Variants in CYP19A1 observed in about 807,000 individuals in gnomAD.
CYP19A1 encodes cytochrome P450 family 19 subfamily A member 1.
In CYP19A1, 32 loss-of-function variants were observed where a neutral mutation model predicts 44.4. The observed-to-expected ratio is 0.72, with a 90% CI of 0.54 to 0.97. The LOEUF is 0.97. Ranked by LOEUF, CYP19A1 falls within the 50% of genes least tolerant of loss-of-function variation. The pLI, the probability that CYP19A1 is intolerant of heterozygous loss-of-function variation, is 0.00. For synonymous variants in CYP19A1, 212 were observed against 215.6 expected, an observed-to-expected ratio of 0.98 and a Z score of 0.14; for missense variants, 598 against 637.8, an observed-to-expected ratio of 0.94 and a Z score of 0.67.
At chr15:51,299,270 C>A (rs574966476) in intron 1 of CYP19A1, among the ~76,000 whole-genome samples, 2 of 152,206 alleles carry the variant, frequency 1.3e-5, no homozygotes, top group African/African-American at 4.8e-5. Context: ...AAGACAAAGG[C>A]GATTCATTCA....
chr15:51,330,456 T>C (rs1471970052), intron 1 of CYP19A1, among the ~76,000 whole-genome samples: 3 of 152,194 alleles, frequency 2.0e-5, no homozygotes, highest in Non-Finnish European at 4.4e-5. Flanking sequence ...AATCTTGCTA[T>C]CATTAATAAA....
chr15:51,272,878 C>T (rs764104231), intron 1 of CYP19A1, among the ~76,000 whole-genome samples: 3 of 152,106 alleles, frequency 2.0e-5, no homozygotes, highest in Non-Finnish European at 2.9e-5. Context: ...TACACTGATT[C>T]GTCTTTTTCA....
At chr15:51,302,118 A>G (rs2036126246) in intron 1 of CYP19A1, among the ~76,000 whole-genome samples, 1 of 152,166 alleles carries the variant, frequency 6.6e-6, no homozygotes, top group African/African-American at 2.4e-5. Context: ...CTTGCCATCT[A>G]AAGTCACATT....
chr15:51,226,175 G>A (rs1368510614), intron 4 of CYP19A1, among the ~76,000 whole-genome samples: 1 of 151,752 alleles, frequency 6.6e-6, no homozygotes, highest in Admixed American at 6.6e-5. Flanking sequence ...ACAGAAGGTG[G>A]GTCAGAGAGA....
intron 1 of CYP19A1, among the ~76,000 whole-genome samples, chr15:51,313,525 A>G (rs1179266788): frequency 6.6e-6 from 1 of 152,212 alleles, no homozygotes; most frequent in Non-Finnish European, 1.5e-5. Context: ...GGCCAGGCAC[A>G]GTGGCTCATG....
At chr15:51,282,953 A>G (rs2035576429) in intron 1 of CYP19A1, among the ~76,000 whole-genome samples, 1 of 152,208 alleles carries the variant, frequency 6.6e-6, no homozygotes, top group African/African-American at 2.4e-5. Flanking sequence ...AGTACGGTAA[A>G]GGAGTTTTGC....
At chr15:51,315,874 G>A (rs1251045543) in intron 1 of CYP19A1, 1 of 152,256 alleles carries the variant, frequency 6.6e-6, no homozygotes, top group African/African-American at 2.4e-5. Context: ...GCAAGAATGT[G>A]GCTGACAACA....
At chr15:51,259,713 TGATA>T (rs1291748998) in intron 1 of CYP19A1, among the ~76,000 whole-genome samples, 1 of 152,200 alleles carries the variant, frequency 6.6e-6, no homozygotes, top group Non-Finnish European at 1.5e-5. Context: ...TGCACCAGAC[TGATA>T]TTCTTCAGAG....
intron 1 of CYP19A1, among the ~76,000 whole-genome samples, chr15:51,282,402 A>G (rs143901510): frequency 6.6e-6 from 1 of 152,292 alleles, no homozygotes; most frequent in East Asian, 1.9e-4. Context: ...CATGCTCCCT[A>G]TTATCTCAAG....
At chr15:51,319,308 C>T (rs927487501) in intron 1 of CYP19A1, among the ~76,000 whole-genome samples, 5 of 152,204 alleles carry the variant, frequency 3.3e-5, no homozygotes, top group Non-Finnish European at 4.4e-5. Flanking sequence ...TTTCCCTATA[C>T]GCACTGTAAT....
intron 1 of CYP19A1, among the ~76,000 whole-genome samples, chr15:51,246,437 G>C (rs1287132751): frequency 6.6e-6 from 1 of 152,184 alleles, no homozygotes; most frequent in African/African-American, 2.4e-5. Flanking sequence ...CACCAAGCAG[G>C]GACTCTGGCC....
At chr15:51,255,073 GGTGA>G (rs2034464416) in intron 1 of CYP19A1, among the ~76,000 whole-genome samples, 1 of 152,136 alleles carries the variant, frequency 6.6e-6, no homozygotes, top group Non-Finnish European at 1.5e-5. Flanking sequence ...GAGTCTTAAG[GGTGA>G]GTGAGTGTTT....
intron 4 of CYP19A1, among the ~76,000 whole-genome samples, chr15:51,224,454 C>A (rs1005389304): frequency 3.9e-5 from 6 of 152,174 alleles, no homozygotes; most frequent in Non-Finnish European, 8.8e-5. Context: ...AGTTATGTAG[C>A]ACTTTTTGTA....
intron 1 of CYP19A1, among the ~76,000 whole-genome samples, chr15:51,276,607 C>T (rs1205779815): frequency 1.3e-5 from 2 of 152,210 alleles, no homozygotes; most frequent in Non-Finnish European, 2.9e-5. Flanking sequence ...AATTACCACA[C>T]TGCAAGTACA....
At chr15:51,271,011 C>T (rs1447964839) in intron 1 of CYP19A1, among the ~76,000 whole-genome samples, 1 of 151,860 alleles carries the variant, frequency 6.6e-6, no homozygotes, top group Non-Finnish European at 1.5e-5. Context: ...CTCCCTCTCA[C>T]CCTGTCTGAT....
At chr15:51,267,426 A>C (rs1232498888) in intron 1 of CYP19A1, among the ~76,000 whole-genome samples, 2 of 152,132 alleles carry the variant, frequency 1.3e-5, no homozygotes, top group African/African-American at 2.4e-5. Context: ...TTTGCTAGTT[A>C]AGTTGCGCTG....
intron 1 of CYP19A1, chr15:51,318,699 G>C (rs751313761): frequency 1.3e-5 from 2 of 152,228 alleles, no homozygotes; most frequent in African/African-American, 4.8e-5. Context: ...CCAGAGGGCT[G>C]TTTCCTGGGA....
chr15:51,276,666 A>G (rs747351518), intron 1 of CYP19A1, among the ~76,000 whole-genome samples: 8 of 152,250 alleles, frequency 5.3e-5, no homozygotes, highest in African/African-American at 7.2e-5. Flanking sequence ...CTGTGATTTC[A>G]TAGTGCATTG....
intron 1 of CYP19A1, among the ~76,000 whole-genome samples, chr15:51,294,987 TTCTGCCTTGGGGAAAAAAAAAAAA>T (rs1487392661): frequency 2.8e-5 from 4 of 142,832 alleles, no homozygotes; most frequent in African/African-American, 1.2e-4. Flanking sequence ...AGAAAAATTC[TTCTGCCTTGGGGAAAAAAAAAAAA>T]AGAATGCCTG....
Sources: gnomAD v4.1 joint callset for allele counts (sites outside exome capture counted in the v4.1 genomes callset) on GRCh38, gnomAD v4.1.1 for gene constraint, MANE v1.5 for transcripts, NCBI Gene and HGNC (gene_info 2026-07-23, HGNC 2026-07-21) for gene names.